The following HIPK1 variants were observed in gnomAD, a reference collection of about 807,000 sequenced individuals.
HIPK1 encodes homeodomain interacting protein kinase 1, also known as homeodomain-interacting protein kinase 1.
HIPK1 carries 28 observed loss-of-function variants against 117.1 expected under a neutral mutation model. The observed-to-expected ratio is 0.24, with a 90% CI of 0.18 to 0.33. HIPK1 has a LOEUF of 0.33. HIPK1 is among the 10% of genes least tolerant of loss of function. The pLI is 1.00. For synonymous variants in HIPK1, 605 were observed against 562.5 expected (o/e 1.08, Z -1.07); for missense variants, 1,122 against 1,475.1 (o/e 0.76, Z 3.92).
At chr1:113,931,473 T>C (rs929767619) in intron 1 of HIPK1, among the ~76,000 whole-genome samples, 1 of 152,162 alleles carries the variant, frequency 6.6e-6, no homozygotes, top group Non-Finnish European at 1.5e-5. Context: ...TAGAATAAAA[T>C]GGTGAATGAG....
At chr1:113,934,614 G>A (rs1670127851) in intron 1 of HIPK1, among the ~76,000 whole-genome samples, 1 of 151,890 alleles carries the variant, frequency 6.6e-6, no homozygotes, top group South Asian at 2.1e-4. Context: ...TTCATTTATT[G>A]CTGGAGTCAA....
chr1:113,933,104 C>T, intron 1 of HIPK1: 1 of 831,496 alleles, frequency 1.2e-6, no homozygotes, highest in East Asian at 1.2e-4. Context: ...TTACTAAACA[C>T]AAAGCACTTA....
intron 1 of HIPK1, 28 bp downstream of exon 1, chr1:113,929,560 A>G (rs551690271): frequency 7.0e-6 from 9 of 1,278,258 alleles, no homozygotes; most frequent in Non-Finnish European, 9.2e-6. Context: ...GGGCGGGTGA[A>G]TAGTTCCGGC....
At position 113,973,210 on chromosome 1, in the gene HIPK1, C is replaced by G. The variant is rs201049429; in HGVS notation, c.3331C>G (p.Leu1111Val). The G allele has an allele frequency of 2.5e-5, 41 of 1,613,788 alleles. 1 individual carries two copies. In the African/African-American group the frequency reaches 5.2e-4, roughly 20 times the overall value. Reference protein sequence around the residue: ...APAHLPSQAHLYTYAAPTSAA... With the variant: ...APAHLPSQAHVYTYAAPTSAA... Reference sequence around the variant, plus strand: ...TGCTCACCTGCCAAGCCAGGCTCATCTGTATACGTATGCTGCCCCGACTTC... The same window carrying G: ...TGCTCACCTGCCAAGCCAGGCTCATGTGTATACGTATGCTGCCCCGACTTC... Residue 1111 changes from leucine (L) to valine (V), a missense_variant, in exon 16 of 16, where the codon CTG (leucine) becomes GTG (valine). Around this residue, in one of 6 missense-constraint regions of HIPK1, gnomAD observed 731 missense variants for 860.4 expected, o/e 0.85. Coordinates refer to ENST00000426820, the MANE Select transcript of HIPK1 (RefSeq NM_198268.3).
At position 113,941,812 on chromosome 1, in the gene HIPK1, T is replaced by C. The variant is rs1434395376; in HGVS notation, c.1076+353T>C. ...TCTCGCTCTGTCGCCCAGGCTGGAG[T>C]GCAGTGGCGTGATATCAGCTCACTG... On this transcript the variant is annotated intron_variant, in intron 2 of 15. Coordinates refer to ENST00000426820, the MANE Select transcript of HIPK1 (RefSeq NM_198268.3). This position sits in a 1 kb window ranked among gnomAD's most constrained non-coding sequence, Gnocchi z 4.9. Among the ~76,000 whole-genome samples the C allele has an allele frequency of 6.6e-6, 1 of 152,110 alleles. No homozygotes were observed. Among genetic ancestry groups the C allele is most frequent in the Non-Finnish European group, 1.5e-5 (1 of 68,020 alleles).
At chr1:113,935,899 T>C (rs1037051821) in intron 1 of HIPK1, among the ~76,000 whole-genome samples, 1 of 152,226 alleles carries the variant, frequency 6.6e-6, no homozygotes, top group Admixed American at 6.5e-5. Flanking sequence ...GATTCTGATA[T>C]ATAGTAAGTT....
rs1558154901 is a variant in HIPK1 at position 113,975,741 on chromosome 1, A to G, written c.*2229A>G. On this transcript the variant is annotated 3_prime_UTR_variant, in exon 16 of 16. Transcript: ENST00000426820. ...AGCTGGTGAAGAATATAGAGAAGGA[A>G]CCAAAGCCTGTTGAGTCATTGAGGC... 6.5e-6 allele frequency: 1 copy of G among 152,696 alleles called. No individual in the cohort carries two copies. The highest frequency in any genetic ancestry group is 1.5e-5 in the Non-Finnish European group (1 of 68,016). 9.5% of individuals were successfully genotyped at this position (152,696 alleles called of 1,614,324 possible).
intron 1 of HIPK1, among the ~76,000 whole-genome samples, chr1:113,932,567 T>G (rs768604483): frequency 5.3e-5 from 8 of 151,722 alleles, no homozygotes; most frequent in Admixed American, 1.3e-4. Context: ...TTAGTAGAGA[T>G]AGGGTTTTGC....
At position 113,968,656 on chromosome 1, in the gene HIPK1, A is replaced by G. The variant is rs1240140954; in HGVS notation, c.2771+8A>G. ...CAAATACAAGCCCAGTAGGTAAGAT[A>G]AGTGAATGGTTCCTGGCTCTATTGG... On this transcript the variant is annotated splice_region_variant and intron_variant, in intron 13 of 15. Coordinates refer to ENST00000426820, the MANE Select transcript of HIPK1 (RefSeq NM_198268.3). The G allele has an allele frequency of 1.1e-5, 17 of 1,605,436 alleles. No individual in the cohort carries two copies. Among genetic ancestry groups the G allele is most frequent in the Admixed American group, 1.7e-5 (1 of 60,018 alleles).
At position 113,954,743 on chromosome 1, in the gene HIPK1, T is replaced by C. The variant is rs1671600173; in HGVS notation, c.1293T>C (p.Asn431=). 1 of 1,614,134 alleles carries C rather than the reference T, an allele frequency of 6.2e-7. No individual in the cohort carries two copies. Among genetic ancestry groups the C allele is most frequent in the Non-Finnish European group, 8.5e-7 (1 of 1,179,966 alleles). Residue 431 remains asparagine, a synonymous_variant, in exon 4 of 16, where the codon AAT becomes AAC. Transcript: ENST00000426820. ...KTTRFFNRDP[N]LGYPLWRLKT... ...CCAGGTTTTTCAACAGAGATCCTAATTTGGGGTACCCACTGTGGAGGCTTA... is the reference window on the plus strand; with the variant it reads ...CCAGGTTTTTCAACAGAGATCCTAACTTGGGGTACCCACTGTGGAGGCTTA...
chr1:113,954,718 C>T lies in HIPK1; in HGVS notation c.1268C>T (p.Thr423Ile), dbSNP rs966417459. The T allele has an allele frequency of 2.5e-6, 4 of 1,613,754 alleles. No individual in the cohort carries two copies. The highest frequency in any genetic ancestry group is 2.5e-6 in the Non-Finnish European group (3 of 1,179,806). Residue 423 changes from threonine (T) to isoleucine (I), a missense_variant, in exon 4 of 16, where the codon ACC becomes ATC. Physicochemically the swap from Thr to Ile is moderately conservative, Grantham distance 89. Around this residue, in one of 6 missense-constraint regions of HIPK1, gnomAD observed 127 missense variants for 197.9 expected, o/e 0.64. Coordinates refer to ENST00000426820, the MANE Select transcript of HIPK1 (RefSeq NM_198268.3). The stretch of plus-strand genomic sequence containing the variant: ...CTTCTCAGTGCCGGAACAAAAACAA[C>T]CAGGTTTTTCAACAGAGATCCTAAT... ...EYLLSAGTKTTRFFNRDPNLG... is the reference protein window; with the variant it reads ...EYLLSAGTKTIRFFNRDPNLG...
At chr1:113,936,770 G>A (rs2101136962) in intron 1 of HIPK1, among the ~76,000 whole-genome samples, 1 of 152,266 alleles carries the variant, frequency 6.6e-6, no homozygotes, top group East Asian at 1.9e-4. Flanking sequence ...ATTCTTTTCA[G>A]TATTACTTTA....
At chr1:113,972,504 C>T (rs951610501) in intron 15 of HIPK1, among the ~76,000 whole-genome samples, 3 of 152,094 alleles carry the variant, frequency 2.0e-5, no homozygotes, top group African/African-American at 2.4e-5. Context: ...AGCTAAAATT[C>T]GAGTGCTTGT....
chr1:113,952,275 T>G (rs1671420304), intron 2 of HIPK1, among the ~76,000 whole-genome samples: 1 of 151,844 alleles, frequency 6.6e-6, no homozygotes, highest in Admixed American at 6.6e-5. Context: ...TTTTTATGAT[T>G]GAAATGGTGC....
chr1:113,942,662 A>T (rs979489932), intron 2 of HIPK1, among the ~76,000 whole-genome samples: 1 of 152,170 alleles, frequency 6.6e-6, no homozygotes, highest in Non-Finnish European at 1.5e-5. Flanking sequence ...ATATTTCTAG[A>T]TTGATACTTT....
intron 2 of HIPK1, among the ~76,000 whole-genome samples, chr1:113,944,165 T>G (rs1393080379): frequency 3.2e-5 from 4 of 123,492 alleles, no homozygotes; most frequent in Non-Finnish European, 6.7e-5. Flanking sequence ...ATGGGTTTTT[T>G]TTTTTTTTTT....
intron 1 of HIPK1, chr1:113,929,766 A>G: frequency 2.4e-6 from 2 of 829,462 alleles, no homozygotes; most frequent in Non-Finnish European, 2.8e-6. Flanking sequence ...AGGGAGGCTG[A>G]GGAGGCTCCC....
intron 15 of HIPK1, among the ~76,000 whole-genome samples, chr1:113,972,379 C>A (rs1412108605): frequency 6.6e-6 from 1 of 152,192 alleles, no homozygotes; most frequent in African/African-American, 2.4e-5. Context: ...GGTTCTAGGT[C>A]CTACTTGTTG....
chr1:113,960,234 G>T (rs369542243), intron 8 of HIPK1, among the ~76,000 whole-genome samples: 83 of 152,198 alleles, frequency 5.5e-4, no homozygotes, highest in African/African-American at 1.9e-3. Flanking sequence ...TTTATTTAAA[G>T]GACTATGTTC....
Sources: gnomAD v4.1 joint callset for allele counts (sites outside exome capture counted in the v4.1 genomes callset) on GRCh38, gnomAD v4.1.1 for gene constraint, gnomAD v4.1.1 regional missense constraint, Gnocchi (gnomAD v3.1) non-coding constraint, MANE v1.5 for transcripts, NCBI Gene and HGNC (gene_info 2026-07-23, HGNC 2026-07-21) for gene names.